FREM1: variants seen among roughly 807,000 people sequenced by gnomAD.
FREM1 encodes FRAS1-related extracellular matrix protein 1.
FREM1 carries 220 observed loss-of-function variants against 210.1 expected under a neutral mutation model. The observed-to-expected ratio is 1.05, with a 90% CI of 0.94 to 1.17. The LOEUF is 1.17. FREM1 is among the 50% of genes most tolerant of loss of function. The pLI is 0.00. For synonymous variants in FREM1, 1,189 were observed against 980.2 expected, an observed-to-expected ratio of 1.21 and a Z score of -3.98; for missense variants, 3,454 against 2,675.5, an observed-to-expected ratio of 1.29 and a Z score of -6.42.
At chr9:14,764,219 C>T (rs1022024421) in intron 27 of FREM1, among the ~76,000 whole-genome samples, 1 of 152,192 alleles carries the variant, frequency 6.6e-6, no homozygotes, top group Non-Finnish European at 1.5e-5. Context: ...TTCTGCCATG[C>T]TTGTGAGTCC....
intron 31 of FREM1, among the ~76,000 whole-genome samples, chr9:14,748,097 C>A (rs916849594): frequency 3.3e-5 from 5 of 152,208 alleles, no homozygotes; most frequent in Non-Finnish European, 7.3e-5. Context: ...CCAATCGCAT[C>A]ATTTCATCTC....
In FREM1 at chr9:14,776,101, C is replaced by G; in HGVS notation, c.4545G>C (p.Leu1515Phe). Residue 1515 changes from leucine to phenylalanine, a missense_variant, in exon 25 of 37, where the codon TTG becomes TTC. Transcript: ENST00000380880. ...GGCCCACGGCCCCTTGGGCCAGTCTCAACCCCTTGTTCCTGGTTACCACAG... is the reference window on the plus strand; with the variant it reads ...GGCCCACGGCCCCTTGGGCCAGTCTGAACCCCTTGTTCCTGGTTACCACAG... ...ALPVVTRNKG[L>F]RLAQGAVGLL... is the part of the protein sequence containing the mutation. 1.2e-6 allele frequency: 2 copies of G among 1,607,152 alleles called. No homozygotes were observed. Among genetic ancestry groups the G allele is most frequent in the Non-Finnish European group, 1.7e-6 (2 of 1,175,452 alleles).
intron 24 of FREM1, among the ~76,000 whole-genome samples, chr9:14,780,560 G>T (rs1049877224): frequency 2.6e-5 from 4 of 151,946 alleles, no homozygotes; most frequent in African/African-American, 7.3e-5. Flanking sequence ...CCTAGAACAT[G>T]CTGCCAAATC....
chr9:14,809,533 G>A (rs1355745896), intron 16 of FREM1, among the ~76,000 whole-genome samples: 1 of 152,034 alleles, frequency 6.6e-6, no homozygotes, highest in Non-Finnish European at 1.5e-5. Flanking sequence ...GAGAAAACTG[G>A]GCTTAAAAGG....
chr9:14,769,968 A>G, intron 26 of FREM1, 100 bp from the exon 27 acceptor site: 1 of 585,038 alleles, frequency 1.7e-6, no homozygotes, highest in Non-Finnish European at 2.9e-6. Context: ...ACAGCTTTAA[A>G]AAACAGCTAA....
intron 35 of FREM1, among the ~76,000 whole-genome samples, chr9:14,745,315 A>T (rs2382498): frequency 0.33 from 49,513 of 152,086 alleles, 8,092 homozygotes; most frequent in South Asian, 0.37. Flanking sequence ...TTTATACTTC[A>T]AACTATTCTA....
chr9:14,819,922 G>C (rs1820986639), intron 13 of FREM1, among the ~76,000 whole-genome samples: 1 of 152,212 alleles, frequency 6.6e-6, no homozygotes, highest in African/African-American at 2.4e-5. Flanking sequence ...TGGAGCTTTA[G>C]AACTTCAGTC....
At chr9:14,747,501 T>C (rs1213940733) in intron 32 of FREM1, 73 bp from the exon 33 acceptor site, 1 of 1,448,646 alleles carries the variant, frequency 6.9e-7, no homozygotes, top group Non-Finnish European at 9.4e-7. Flanking sequence ...AAATGAGCAA[T>C]TCAAAAATTC....
At chr9:14,820,882 T>C (rs1821175148) in intron 13 of FREM1, among the ~76,000 whole-genome samples, 1 of 152,242 alleles carries the variant, frequency 6.6e-6, no homozygotes, top group African/African-American at 2.4e-5. Context: ...CAAAGGTCCA[T>C]GCTTGCCAAC....
At chr9:14,774,557 C>A (rs1378603477) in intron 25 of FREM1, among the ~76,000 whole-genome samples, 1 of 103,258 alleles carries the variant, frequency 9.7e-6, no homozygotes, top group Non-Finnish European at 2.1e-5. Context: ...CTCTCTCTCT[C>A]TCTCTCAGAG....
At chr9:14,770,000 TTAACA>T (rs1251306480) in intron 26 of FREM1, 132 bp from the exon 27 acceptor site, 1 of 524,960 alleles carries the variant, frequency 1.9e-6, no homozygotes, top group Non-Finnish European at 3.3e-6. Context: ...AAACAAGAAA[TTAACA>T]TTACTGTAAC....
intron 8 of FREM1, among the ~76,000 whole-genome samples, chr9:14,844,089 G>A (rs1326985430): frequency 5.9e-5 from 9 of 151,652 alleles, no homozygotes; most frequent in African/African-American, 2.2e-4. Flanking sequence ...ACAAAGTAAA[G>A]CTTAATAAAT....
chr9:14,827,926 A>T (rs1822782302), intron 10 of FREM1, among the ~76,000 whole-genome samples: 1 of 152,230 alleles, frequency 6.6e-6, no homozygotes, highest in Admixed American at 6.5e-5. Context: ...GCCTTGGCAC[A>T]AATACCAACT....
chr9:14,819,249 T>C lies in FREM1; in HGVS notation c.2531A>G (p.His844Arg). 6.2e-7 allele frequency: 1 copy of C among 1,612,434 alleles called. No individual in the cohort carries two copies. Among genetic ancestry groups the C allele is most frequent in the Non-Finnish European group, 8.5e-7 (1 of 1,178,802 alleles). Residue 844 changes from histidine to arginine, a missense_variant, in exon 14 of 37, where the codon CAT becomes CGT. Transcript: ENST00000380880. ...SGGTFSWGDL[H>R]TLKVRYQHDG... ...ATGTTCTAACCTAACTTTTAAGGTATGGAGATCGCCCCAAGAAAATGTGCC... is the reference window on the plus strand; with the variant it reads ...ATGTTCTAACCTAACTTTTAAGGTACGGAGATCGCCCCAAGAAAATGTGCC...
intron 13 of FREM1, among the ~76,000 whole-genome samples, chr9:14,820,803 A>G (rs990265059): frequency 1.3e-5 from 2 of 152,150 alleles, no homozygotes; most frequent in Admixed American, 6.5e-5. Context: ...TGCTAAACCT[A>G]TATTTTCACT....
chr9:14,855,144 T>C (rs1828500514), intron 5 of FREM1, among the ~76,000 whole-genome samples: 1 of 152,046 alleles, frequency 6.6e-6, no homozygotes, highest in African/African-American at 2.4e-5. Flanking sequence ...GAAGAACCTG[T>C]CTGTAAGAAA....
intron 36 of FREM1, among the ~76,000 whole-genome samples, chr9:14,739,475 T>TAATTCATATATATATAA (rs1841084816): frequency 1.1e-5 from 1 of 91,632 alleles, no homozygotes; most frequent in African/African-American, 5.0e-5. Flanking sequence ...TATATATATA[T>TAATTCATATATATATAA]AATTCATATA....
chr9:14,774,021 T>C (rs543819004), intron 25 of FREM1: 51 of 499,818 alleles, frequency 1.0e-4, no homozygotes, highest in South Asian at 7.1e-4. Context: ...TTAAAACATA[T>C]GATAAAAATA....
intron 1 of FREM1, among the ~76,000 whole-genome samples, chr9:14,908,461 G>A (rs1818167322): frequency 1.3e-5 from 2 of 152,226 alleles, no homozygotes; most frequent in African/African-American, 2.4e-5. Flanking sequence ...AGCCCAACAT[G>A]TGAAAGCAGG....
Sources: allele counts gnomAD v4.1 joint callset (sites outside exome capture counted in the v4.1 genomes callset), GRCh38; gene constraint gnomAD v4.1.1; transcripts MANE v1.5; gene names NCBI Gene and HGNC (gene_info 2026-07-23, HGNC 2026-07-21).